The following KCNIP3 variants were observed in gnomAD, a reference collection of about 807,000 sequenced individuals.
The protein encoded by KCNIP3 is calsenilin.
Under a neutral mutation model 35.0 loss-of-function variants are expected in KCNIP3, and 28 were observed. That is an observed-to-expected ratio of 0.80 (90% CI 0.59 to 1.10). The LOEUF (loss-of-function observed/expected upper bound fraction) is 1.10. Ranked by LOEUF, KCNIP3 falls within the 50% of genes least tolerant of loss-of-function variation. The pLI, the probability that KCNIP3 is intolerant of heterozygous loss-of-function variation, is 0.00. For synonymous variants in KCNIP3, 134 were observed against 133.8 expected, an observed-to-expected ratio of 1.00 and a Z score of -0.01; for missense variants, 295 against 338.4, an observed-to-expected ratio of 0.87 and a Z score of 1.01.
intron 2 of KCNIP3, among the ~76,000 whole-genome samples, chr2:95,324,907 T>C (rs758291138): frequency 6.6e-6 from 1 of 152,138 alleles, no homozygotes; most frequent in Non-Finnish European, 1.5e-5. Flanking sequence ...TGAGACTCTG[T>C]CTCAAAAACA....
Position 95,300,481 on chromosome 2 carries a change from ACT to A in KCNIP3, c.15+3032_15+3033del, listed in dbSNP as rs1422489383. On this transcript the variant is annotated intron_variant, in intron 1 of 8. Transcript: ENST00000295225. ...ATGTGGCTTCTGCACGGAAGAAAGC[ACT>A]CTCAGTTTCCAAGGTGAAGCAGAAG... Among the ~76,000 whole-genome samples the A allele has an allele frequency of 2.0e-5, 3 of 151,686 alleles. 1 individual carries two copies.
chr2:95,317,417 G>A (rs1678484624), intron 2 of KCNIP3, among the ~76,000 whole-genome samples: 1 of 152,344 alleles, frequency 6.6e-6, no homozygotes, highest in African/African-American at 2.4e-5. Context: ...TGGAGGCTGA[G>A]GCCAGGCACC....
intron 2 of KCNIP3, among the ~76,000 whole-genome samples, chr2:95,321,084 C>A (rs1332508865): frequency 1.4e-5 from 2 of 144,736 alleles, no homozygotes; most frequent in Non-Finnish European, 3.0e-5. Context: ...CCTGGCCCTG[C>A]CCCCCGAGCC....
At chr2:95,309,834 A>G (rs1217706651) in intron 1 of KCNIP3, among the ~76,000 whole-genome samples, 1 of 152,220 alleles carries the variant, frequency 6.6e-6, no homozygotes, top group Non-Finnish European at 1.5e-5. Context: ...CGGTTCCACC[A>G]GTGCAGCCCT....
Position 95,382,426 on chromosome 2 carries a change from C to T in KCNIP3, c.605C>T (p.Thr202Ile). The T allele has an allele frequency of 6.2e-7, 1 of 1,609,820 alleles. No individual in the cohort carries two copies. The highest frequency in any genetic ancestry group is 8.5e-7 in the Non-Finnish European group (1 of 1,178,360). Residue 202 changes from threonine (T) to isoleucine (I), a missense_variant, in exon 7 of 9, where the codon ACC (threonine) becomes ATC (isoleucine). Thr to Ile is a moderately conservative substitution (Grantham distance 89). Transcript: ENST00000295225. This position sits in a 1 kb window ranked among gnomAD's most constrained non-coding sequence, Gnocchi z 4.5. ...KSIYDMMGRH[T>I]YPILREDAPA... ...ATCTATGACATGATGGGCCGCCACA[C>T]CTACCCCATCCTGCGGGAGGACGCG...
In KCNIP3 at chr2:95,374,434, A is replaced by G. The variant is rs747931048; in HGVS notation, c.306+14A>G. The G allele has an allele frequency of 5.0e-6, 8 of 1,613,018 alleles. No homozygotes were observed. In the East Asian group the frequency reaches 1.1e-4, roughly 22 times the overall value. On this transcript the variant is annotated intron_variant, in intron 3 of 8. Coordinates refer to ENST00000295225, the MANE Select transcript of KCNIP3 (RefSeq NM_013434.5). ...GGCTTTAAGAATGTGAGTGTTCCCCATTCCCCCGGGAGAGGCCTTGGAGAC... is the reference window on the plus strand; with the variant it reads ...GGCTTTAAGAATGTGAGTGTTCCCCGTTCCCCCGGGAGAGGCCTTGGAGAC...
rs1301428904 is a variant in KCNIP3 at position 95,378,821 on chromosome 2, CAT to C, written c.448-2769_448-2768del. Among the ~76,000 whole-genome samples the C allele has an allele frequency of 1.2e-4, 18 of 150,660 alleles. No individual in the cohort carries two copies. The highest frequency in any genetic ancestry group is 8.4e-4 in the South Asian group (4 of 4,786). ...ATATATATATATACACACACACACA[CAT>C]ATATACACACATATTTATATACACA... On this transcript the variant is annotated intron_variant, in intron 5 of 8. Transcript: ENST00000295225. The surrounding 1 kb of genome is among the most constrained non-coding windows in gnomAD (Gnocchi z 4.0).
chr2:95,325,444 G>A (rs1678712358), intron 2 of KCNIP3, among the ~76,000 whole-genome samples: 2 of 152,198 alleles, frequency 1.3e-5, no homozygotes, highest in Non-Finnish European at 2.9e-5. Context: ...CTGGCTGAAA[G>A]CTGGGTATCC....
intron 2 of KCNIP3, among the ~76,000 whole-genome samples, chr2:95,353,168 T>A (rs1679570178): frequency 6.6e-6 from 1 of 152,162 alleles, no homozygotes. Flanking sequence ...TTGAGCCCTA[T>A]GCACAAAGTG....
At position 95,384,052 on chromosome 2, in the gene KCNIP3, C is replaced by T; in HGVS notation, c.*3C>T. 1.2e-6 allele frequency: 2 copies of T among 1,613,792 alleles called. No homozygotes were observed. Among genetic ancestry groups the T allele is most frequent in the Non-Finnish European group, 1.7e-6 (2 of 1,179,798 alleles). On this transcript the variant is annotated 3_prime_UTR_variant, in exon 9 of 9. Transcript: ENST00000295225. ...AGCTGTTTGAGAATGTCATCTAGGA[C>T]ACGTCCAAAGGAGTGCATGGCCACA...
intron 1 of KCNIP3, among the ~76,000 whole-genome samples, chr2:95,307,679 C>T (rs1238840778): frequency 6.6e-6 from 1 of 152,224 alleles, no homozygotes; most frequent in Non-Finnish European, 1.5e-5. Context: ...GGCTTCAAGA[C>T]AGAATCCCTG....
intron 2 of KCNIP3, chr2:95,310,739 TG>T (rs1302943789): frequency 1.4e-5 from 8 of 581,924 alleles, no homozygotes; most frequent in Non-Finnish European, 2.5e-5. Flanking sequence ...CCACAGAGCA[TG>T]GGTACAGAGA....
At chr2:95,365,908 C>T (rs868042081) in intron 2 of KCNIP3, among the ~76,000 whole-genome samples, 3 of 152,166 alleles carry the variant, frequency 2.0e-5, no homozygotes, top group Non-Finnish European at 4.4e-5. Context: ...AATCTCGATA[C>T]ATGCATAGTC....
chr2:95,365,667 G>A (rs1272365858), intron 2 of KCNIP3, among the ~76,000 whole-genome samples: 5 of 152,118 alleles, frequency 3.3e-5, no homozygotes, highest in African/African-American at 1.2e-4. Flanking sequence ...GGAAGAAATA[G>A]CAGCAGGTTT....
At chr2:95,369,797 A>T (rs1416843699) in intron 2 of KCNIP3, among the ~76,000 whole-genome samples, 1 of 151,816 alleles carries the variant, frequency 6.6e-6, no homozygotes, top group Non-Finnish European at 1.5e-5. Context: ...TGCCTGGGCA[A>T]TTTTTTTGTA....
chr2:95,335,652 A>G (rs181273845), intron 2 of KCNIP3, among the ~76,000 whole-genome samples: 101 of 152,314 alleles, frequency 6.6e-4, no homozygotes, highest in African/African-American at 2.3e-3. Context: ...AACCCATGAT[A>G]TGATATCTTT....
chr2:95,297,603 C>T (rs1483408781), intron 1 of KCNIP3, 150 bp downstream of exon 1: 20 of 694,320 alleles, frequency 2.9e-5, no homozygotes, highest in African/African-American at 2.6e-4. Context: ...AGCGTTGGGG[C>T]GTCCTGGCTG....
chr2:95,373,323 A>T (rs529965306), intron 2 of KCNIP3, among the ~76,000 whole-genome samples: 30 of 152,244 alleles, frequency 2.0e-4, no homozygotes, highest in Non-Finnish European at 4.0e-4. Flanking sequence ...AATTAGGAAA[A>T]TGTTTTTTAA....
intron 2 of KCNIP3, among the ~76,000 whole-genome samples, chr2:95,321,171 TC>T (rs939799442): frequency 3.3e-5 from 5 of 152,186 alleles, no homozygotes; most frequent in Non-Finnish European, 7.4e-5. Flanking sequence ...CCCCCAGCCT[TC>T]CCTACGCCAC....
Sources: gnomAD v4.1 joint callset for allele counts (sites outside exome capture counted in the v4.1 genomes callset) on GRCh38, gnomAD v4.1.1 for gene constraint, Gnocchi (gnomAD v3.1) non-coding constraint, MANE v1.5 for transcripts, NCBI Gene and HGNC (gene_info 2026-07-23, HGNC 2026-07-21) for gene names.